Variants in NPAS3 observed in about 807,000 individuals in gnomAD.
NPAS3 encodes neuronal PAS domain protein 3, also known as neuronal PAS domain-containing protein 3.
A neutral mutation model predicts 73.1 loss-of-function variants in NPAS3; 14 were observed. That is an observed-to-expected ratio of 0.19 (90% CI 0.13 to 0.30). The LOEUF (loss-of-function observed/expected upper bound fraction) is 0.30. Ranked by LOEUF, NPAS3 falls within the 10% of genes least tolerant of loss-of-function variation. The probability of loss-of-function intolerance (pLI) is 1.00; values close to 1 mark genes in which losing one functional copy is unlikely to be tolerated. For missense variants in NPAS3, 1,096 were observed against 1,250.0 expected (o/e 0.88, Z 1.86); for synonymous variants, 620 against 541.5 (o/e 1.14, Z -2.01).
chr14:33,195,082 G>A (rs1356126134), intron 2 of NPAS3, among the ~76,000 whole-genome samples: 1 of 152,004 alleles, frequency 6.6e-6, no homozygotes, highest in Non-Finnish European at 1.5e-5. Flanking sequence ...ATGTCACACA[G>A]CAACCAACGT....
intron 6 of NPAS3, among the ~76,000 whole-genome samples, chr14:33,711,760 G>A (rs919168116): frequency 4.6e-5 from 7 of 152,118 alleles, no homozygotes; most frequent in African/African-American, 1.2e-4. Context: ...GGTGAGCAGC[G>A]ATCATTAGAT....
intron 3 of NPAS3, among the ~76,000 whole-genome samples, chr14:33,248,407 G>A (rs1227013640): frequency 6.6e-6 from 1 of 152,146 alleles, no homozygotes; most frequent in Non-Finnish European, 1.5e-5. Flanking sequence ...ATTATGAAAT[G>A]TATATTTTTA....
intron 4 of NPAS3, among the ~76,000 whole-genome samples, chr14:33,447,109 T>C (rs754941572): frequency 2.8e-4 from 42 of 152,242 alleles, no homozygotes; most frequent in Non-Finnish European, 5.4e-4. Flanking sequence ...TAGCAATCCA[T>C]TGTGCTGAGT....
intron 4 of NPAS3, among the ~76,000 whole-genome samples, chr14:33,431,934 G>A (rs1285328394): frequency 6.6e-6 from 1 of 151,918 alleles, no homozygotes; most frequent in Non-Finnish European, 1.5e-5. Context: ...CATGTGAAAG[G>A]TATTAGTCTG....
chr14:33,294,046 A>C (rs2042199399), intron 3 of NPAS3, among the ~76,000 whole-genome samples: 1 of 152,190 alleles, frequency 6.6e-6, no homozygotes, highest in Non-Finnish European at 1.5e-5. Flanking sequence ...GCTGAATAAG[A>C]TGGTACCATG....
intron 1 of NPAS3, among the ~76,000 whole-genome samples, chr14:33,024,577 A>G (rs2039734290): frequency 6.6e-6 from 1 of 152,214 alleles, no homozygotes; most frequent in African/African-American, 2.4e-5. Flanking sequence ...ATTGAAAATC[A>G]TGTTCTTGAG....
At chr14:32,968,439 T>C (rs1213374655) in intron 1 of NPAS3, among the ~76,000 whole-genome samples, 1 of 152,208 alleles carries the variant, frequency 6.6e-6, no homozygotes, top group East Asian at 1.9e-4. Flanking sequence ...AATGTTTTGA[T>C]TTGAACTATT....
At chr14:33,780,096 T>C (rs2062932234) in intron 9 of NPAS3, among the ~76,000 whole-genome samples, 2 of 152,222 alleles carry the variant, frequency 1.3e-5, no homozygotes, top group South Asian at 4.1e-4. Flanking sequence ...AACACTGACA[T>C]GGAACCAAGT....
intron 1 of NPAS3, among the ~76,000 whole-genome samples, chr14:33,051,828 T>TGAC (rs2040721861): frequency 6.6e-6 from 1 of 152,072 alleles, no homozygotes; most frequent in Non-Finnish European, 1.5e-5. Flanking sequence ...GGTGCGAGCT[T>TGAC]GACTCACTGC....
intron 7 of NPAS3, among the ~76,000 whole-genome samples, chr14:33,761,772 T>A (rs2062300037): frequency 6.6e-6 from 1 of 152,126 alleles, no homozygotes; most frequent in African/African-American, 2.4e-5. Context: ...TTCGAGGGAA[T>A]AGGGAGAATT....
At chr14:33,110,191 G>T (rs2042846322) in intron 2 of NPAS3, among the ~76,000 whole-genome samples, 1 of 151,998 alleles carries the variant, frequency 6.6e-6, no homozygotes, top group Non-Finnish European at 1.5e-5. Flanking sequence ...GAATACTTGA[G>T]ATATTAAATA....
chr14:33,402,493 C>T (rs1566870230), intron 4 of NPAS3, among the ~76,000 whole-genome samples: 1 of 152,114 alleles, frequency 6.6e-6, no homozygotes, highest in Non-Finnish European at 1.5e-5. Context: ...TTCTGTTATT[C>T]TGGCTCTGGA....
At chr14:33,547,729 A>G (rs1040070538) in intron 4 of NPAS3, among the ~76,000 whole-genome samples, 6 of 152,234 alleles carry the variant, frequency 3.9e-5, no homozygotes, top group Admixed American at 1.3e-4. Flanking sequence ...AAACCTGTGC[A>G]CTGTCGTTTT....
intron 4 of NPAS3, among the ~76,000 whole-genome samples, chr14:33,463,887 A>G (rs983038600): frequency 4.6e-5 from 7 of 152,176 alleles, no homozygotes; most frequent in Non-Finnish European, 7.3e-5. Flanking sequence ...AAACAGTTGC[A>G]GTGGGGATGG....
chr14:32,959,051 G>T (rs764613692), intron 1 of NPAS3, among the ~76,000 whole-genome samples: 57 of 152,288 alleles, frequency 3.7e-4, no homozygotes, highest in Middle Eastern at 6.8e-3. Context: ...ATCTCATAAA[G>T]CTTTAAGAAA....
At chr14:33,459,222 C>T (rs534771863) in intron 4 of NPAS3, among the ~76,000 whole-genome samples, 15 of 152,154 alleles carry the variant, frequency 9.9e-5, no homozygotes, top group Admixed American at 3.9e-4. Context: ...TATCTTGTGC[C>T]GACCTCCCAT....
At chr14:33,699,307 A>G (rs186333230) in intron 6 of NPAS3, among the ~76,000 whole-genome samples, 2 of 152,378 alleles carry the variant, frequency 1.3e-5, no homozygotes, top group East Asian at 3.9e-4. Context: ...TTTCTTAATT[A>G]TATTTTTATA....
chr14:33,670,452 G>A (rs913647964), intron 5 of NPAS3, among the ~76,000 whole-genome samples: 1 of 152,166 alleles, frequency 6.6e-6, no homozygotes, highest in Non-Finnish European at 1.5e-5. Context: ...TCAAGTTTCT[G>A]TCAAAACAGT....
At chr14:32,966,697 G>A (rs1476285715) in intron 1 of NPAS3, among the ~76,000 whole-genome samples, 1 of 86,762 alleles carries the variant, frequency 1.2e-5, no homozygotes, top group South Asian at 3.3e-4. Flanking sequence ...GTGAACCCGG[G>A]AAGCGGAGCT....
Sources: allele counts gnomAD v4.1 joint callset (sites outside exome capture counted in the v4.1 genomes callset), GRCh38; gene constraint gnomAD v4.1.1; transcripts MANE v1.5; gene names NCBI Gene and HGNC (gene_info 2026-07-23, HGNC 2026-07-21).